The following ALKBH8 variants were observed in gnomAD, a reference collection of about 807,000 sequenced individuals.
The protein encoded by ALKBH8 is tRNA (carboxymethyluridine(34)-5-O)-methyltransferase ALKBH8.
Under a neutral mutation model 59.8 loss-of-function variants are expected in ALKBH8, and 36 were observed. That is an observed-to-expected ratio of 0.60 (90% confidence interval 0.46 to 0.79). The LOEUF is 0.79. ALKBH8 is among the 30% of genes least tolerant of loss of function. The probability of loss-of-function intolerance (pLI) is 0.00; values close to 1 mark genes in which losing one functional copy is unlikely to be tolerated. For synonymous variants in ALKBH8, 276 were observed against 273.6 expected (o/e 1.01, Z -0.09); for missense variants, 768 against 801.0 (o/e 0.96, Z 0.50).
chr11:107,530,377 A>C (rs2135520441), intron 8 of ALKBH8, among the ~76,000 whole-genome samples: 1 of 152,318 alleles, frequency 6.6e-6, no homozygotes, highest in Non-Finnish European at 1.5e-5. Context: ...TCAGCATAGA[A>C]ATCAAAAAGT....
chr11:107,523,199 A>C (rs1468500853), intron 9 of ALKBH8, among the ~76,000 whole-genome samples: 2 of 152,234 alleles, frequency 1.3e-5, no homozygotes, highest in East Asian at 3.8e-4. Context: ...CAGCCAAGAC[A>C]TGGAATCAAA....
chr11:107,520,067 G>T (rs1279232390), intron 10 of ALKBH8, among the ~76,000 whole-genome samples: 1 of 152,272 alleles, frequency 6.6e-6, no homozygotes, highest in Admixed American at 6.5e-5. Flanking sequence ...TTATCCTGCG[G>T]TAAGTCCCAC....
intron 7 of ALKBH8, among the ~76,000 whole-genome samples, chr11:107,536,125 G>T (rs1863804624): frequency 6.6e-6 from 1 of 152,180 alleles, no homozygotes; most frequent in Admixed American, 6.5e-5. Context: ...CAAACGCCAA[G>T]CTGTAACTAA....
In ALKBH8 at chr11:107,504,864, G is replaced by A. The variant is rs760522028; in HGVS notation, c.1789C>T (p.His597Tyr). 1.5e-5 allele frequency: 23 copies of A among 1,551,772 alleles called. No homozygotes were observed. Among genetic ancestry groups the A allele is most frequent in the Non-Finnish European group, 1.9e-5 (22 of 1,146,970 alleles). Residue 597 changes from histidine (H) to tyrosine (Y), a missense_variant, in exon 12 of 12, where the codon CAC becomes TAC. Transcript: ENST00000428149. The part of the protein sequence containing the change: ...FYSQDVLVPW[H>Y]LKGNPDKGKP... ...CCTTTATCAGGATTTCCCTTAAGGT[G>A]CCAGGGAACCAGTACATCTTGAGAA...
intron 4 of ALKBH8, 144 bp from the exon 5 acceptor site, chr11:107,553,347 C>G: frequency 3.7e-6 from 2 of 542,566 alleles, no homozygotes; most frequent in East Asian, 6.5e-5. Flanking sequence ...CAAAATTAAC[C>G]ATTTTGCCTT....
At chr11:107,539,197 T>C (rs1430690875) in intron 7 of ALKBH8, among the ~76,000 whole-genome samples, 1 of 152,226 alleles carries the variant, frequency 6.6e-6, no homozygotes, top group East Asian at 1.9e-4. Context: ...GGCAGAGGAA[T>C]TGACAGTAAT....
At chr11:107,554,127 A>T (rs532239040) in intron 3 of ALKBH8, 149 bp from the exon 4 acceptor site, 33 of 948,700 alleles carry the variant, frequency 3.5e-5, no homozygotes, top group Non-Finnish European at 5.0e-5. Flanking sequence ...ACATATTAAA[A>T]GTGCAGAAAC....
chr11:107,523,436 G>A (rs890216780), intron 9 of ALKBH8, among the ~76,000 whole-genome samples: 1 of 152,094 alleles, frequency 6.6e-6, no homozygotes, highest in Admixed American at 6.6e-5. Context: ...TAGTAGAATG[G>A]TGGTTACCAG....
At chr11:107,535,016 C>T (rs1222632351) in intron 7 of ALKBH8, among the ~76,000 whole-genome samples, 1 of 152,158 alleles carries the variant, frequency 6.6e-6, no homozygotes, top group Non-Finnish European at 1.5e-5. Flanking sequence ...TTTGGTTTTC[C>T]ATTCCTGAGT....
Position 107,502,737 on chromosome 11 carries a change from T to C in ALKBH8, c.*1921A>G, listed in dbSNP as rs1464987552. 6.6e-6 allele frequency: 1 copy of C among 152,222 alleles called. No homozygotes were observed. Among genetic ancestry groups the C allele is most frequent in the Non-Finnish European group, 1.5e-5 (1 of 68,036 alleles). The allele number at this position is 152,222 out of a possible 1,614,324, so 9.4% of individuals were successfully genotyped here. On this transcript the variant is annotated 3_prime_UTR_variant, in exon 12 of 12. Coordinates refer to ENST00000428149, the MANE Select transcript of ALKBH8 (RefSeq NM_138775.3). ...GCAGACCAAAAAAAGTCAGTAAGAA[T>C]ATAGATTTTTATTATACAATTAACA...
chr11:107,551,609 A>G (rs1864494581), intron 6 of ALKBH8, among the ~76,000 whole-genome samples, 199 bp downstream of exon 6: 2 of 151,166 alleles, frequency 1.3e-5, no homozygotes, highest in Non-Finnish European at 2.9e-5. Context: ...CAGGAGAATC[A>G]CTTGAACCCA....
intron 11 of ALKBH8, among the ~76,000 whole-genome samples, chr11:107,508,322 G>A (rs1197284156): frequency 6.6e-6 from 1 of 151,926 alleles, no homozygotes; most frequent in Non-Finnish European, 1.5e-5. Context: ...ACAGGCATGC[G>A]CCAATCAACC....
At chr11:107,532,008 G>C (rs985768743) in intron 8 of ALKBH8, among the ~76,000 whole-genome samples, 6 of 152,066 alleles carry the variant, frequency 3.9e-5, no homozygotes, top group African/African-American at 1.4e-4. Flanking sequence ...AAATAATAAT[G>C]ATAACATATG....
intron 8 of ALKBH8, among the ~76,000 whole-genome samples, chr11:107,529,952 G>C (rs1236025721): frequency 6.6e-6 from 1 of 152,136 alleles, no homozygotes; most frequent in Admixed American, 6.5e-5. Context: ...AGGAACTGTA[G>C]GGAACTAGAG....
intron 8 of ALKBH8, among the ~76,000 whole-genome samples, chr11:107,527,973 G>T (rs943645699): frequency 2.6e-5 from 4 of 151,896 alleles, no homozygotes; most frequent in South Asian, 2.1e-4. Flanking sequence ...ACCCTTTAAC[G>T]CAATGAAGAA....
At chr11:107,527,281 C>T (rs1863394437) in intron 8 of ALKBH8, among the ~76,000 whole-genome samples, 1 of 151,918 alleles carries the variant, frequency 6.6e-6, no homozygotes, top group Non-Finnish European at 1.5e-5. Flanking sequence ...GCAAGGTTAT[C>T]TCTCTATGGA....
At position 107,553,592 on chromosome 11, in the gene ALKBH8, A is replaced by G. The variant is rs1308856205; in HGVS notation, c.499+255T>C. 4.6e-5 allele frequency among the ~76,000 whole-genome samples: 7 copies of G among 152,266 alleles called. No individual in the cohort carries two copies. In the East Asian group the frequency reaches 9.6e-4, roughly 21 times the overall value. ...TGCCTTAGGGTGGGGAGGAATGAAT[A>G]AAATAAGTGAAAAGGCTTATAAAAG... On this transcript the variant is annotated intron_variant, in intron 4 of 11. Coordinates refer to ENST00000428149, the MANE Select transcript of ALKBH8 (RefSeq NM_138775.3).
chr11:107,504,965 G>A lies in ALKBH8; in HGVS notation c.1688C>T (p.Ser563Phe). The change falls in exon 12 of 12, where the codon TCT becomes TTT. Residue 563 changes from serine (S) to phenylalanine (F), a missense_variant. Transcript: ENST00000428149. The part of the protein sequence containing the change: ...SASSVPRIND[S>F]QEGGCNSRQV... ...CCTTGAATTACATCCTCCTTCCTGA[G>A]AGTCATTAATGCGGGGGACAGAAGA... The A allele has an allele frequency of 6.4e-7, 1 of 1,551,810 alleles. No individual in the cohort carries two copies. The highest frequency in any genetic ancestry group is 8.7e-7 in the Non-Finnish European group (1 of 1,146,918).
At chr11:107,516,293 A>G (rs1014655690) in intron 10 of ALKBH8, among the ~76,000 whole-genome samples, 1 of 152,230 alleles carries the variant, frequency 6.6e-6, no homozygotes, top group African/African-American at 2.4e-5. Context: ...TGTTATTTAG[A>G]ATACTTCCAA....
Sources: gnomAD v4.1 joint callset for allele counts (sites outside exome capture counted in the v4.1 genomes callset) on GRCh38, gnomAD v4.1.1 for gene constraint, MANE v1.5 for transcripts, NCBI Gene and HGNC (gene_info 2026-07-23, HGNC 2026-07-21) for gene names.